The following KIF24 variants were observed in gnomAD, a reference collection of about 807,000 sequenced individuals.
KIF24 encodes kinesin-like protein KIF24.
In KIF24, 81 loss-of-function variants were observed where a neutral mutation model predicts 118.9. The observed-to-expected ratio is 0.68, with a 90% CI of 0.57 to 0.82. KIF24 has a LOEUF of 0.82. Among genes scored for constraint, KIF24 ranks in the 40% least tolerant of loss-of-function variants. The pLI, the probability that KIF24 is intolerant of heterozygous loss-of-function variation, is 0.00. For synonymous variants in KIF24, 599 were observed against 610.0 expected, an observed-to-expected ratio of 0.98 and a Z score of 0.27; for missense variants, 1,560 against 1,661.6, an observed-to-expected ratio of 0.94 and a Z score of 1.06.
chr9:34,286,603 G>A lies in KIF24; in HGVS notation c.1215+14C>T. The A allele has an allele frequency of 6.4e-7, 1 of 1,568,432 alleles. No individual in the cohort carries two copies. Among genetic ancestry groups the A allele is most frequent in the Non-Finnish European group, 8.8e-7 (1 of 1,138,286 alleles). ...CTGTTGTGGTGGGGTAATAAAGAAG[G>A]AAGAATTAATTACCTCTAAGAGGAG... On this transcript the variant is annotated intron_variant, in intron 6 of 12. Transcript: ENST00000402558.
At chr9:34,324,109 C>A (rs184380250) in intron 1 of KIF24, among the ~76,000 whole-genome samples, 101 of 152,280 alleles carry the variant, frequency 6.6e-4, no homozygotes, top group Non-Finnish European at 1.1e-3. Context: ...TTAGTCTGGA[C>A]GTTGTGCAAT....
At chr9:34,268,924 CT>C (rs1331653222) in intron 8 of KIF24, among the ~76,000 whole-genome samples, 1 of 152,168 alleles carries the variant, frequency 6.6e-6, no homozygotes, top group Non-Finnish European at 1.5e-5. Context: ...ATTTGTTCTA[CT>C]TTTCTATGTT....
At chr9:34,260,375 A>C (rs997291729) in intron 9 of KIF24, among the ~76,000 whole-genome samples, 6 of 151,626 alleles carry the variant, frequency 4.0e-5, no homozygotes, top group Admixed American at 6.6e-5. Flanking sequence ...TTATACACTG[A>C]ATATAATAAA....
chr9:34,275,871 C>T (rs984600850), intron 6 of KIF24, among the ~76,000 whole-genome samples: 2 of 152,138 alleles, frequency 1.3e-5, no homozygotes, highest in Non-Finnish European at 2.9e-5. Context: ...ATCCTCACCA[C>T]AGCCTAATGT....
intron 1 of KIF24, among the ~76,000 whole-genome samples, chr9:34,313,110 T>C (rs1271784015): frequency 1.3e-5 from 2 of 152,238 alleles, no homozygotes; most frequent in Non-Finnish European, 1.5e-5. Flanking sequence ...TAGGCTAGCC[T>C]TGTGACTTGT....
At chr9:34,282,730 A>G (rs1040344552) in intron 6 of KIF24, 2 of 152,182 alleles carry the variant, frequency 1.3e-5, no homozygotes, top group African/African-American at 4.8e-5. Flanking sequence ...ATCTTAGCCA[A>G]AAGACTGAGA....
rs752044001 is a variant in KIF24, at chr9:34,286,637, T to C, written c.1195A>G (p.Ser399Gly). The change falls in exon 6 of 13, where the codon AGT becomes GGT. Residue 399 changes from serine (S) to glycine (G), a missense_variant. Physicochemically the swap from Ser to Gly is moderately conservative, Grantham distance 56 (BLOSUM62 0). This residue lies in a region of KIF24 where 964 missense variants were observed against 988.0 expected (regional missense o/e 0.98). Transcript: ENST00000402558. ...IVGLQELQVD[S>G]VELLLEVILK... The stretch of plus-strand genomic sequence containing the variant: ...ATTACCTCTAAGAGGAGCTCCACAC[T>C]GTCCACCTGAAGCTCTTGCAGTCCC... 2 of 1,611,882 alleles carry C rather than the reference T, an allele frequency of 1.2e-6. No homozygotes were observed. Among genetic ancestry groups the C allele is most frequent in the Admixed American group, 1.7e-5 (1 of 60,024 alleles).
chr9:34,290,156 C>A lies in KIF24; in HGVS notation c.1127+18G>T. The A allele has an allele frequency of 6.5e-7, 1 of 1,548,918 alleles. No individual in the cohort carries two copies. Among genetic ancestry groups the A allele is most frequent in the Non-Finnish European group, 8.9e-7 (1 of 1,122,654 alleles). ...ATAGCGATGAACAGATTTATCGCTT[C>A]CCACTCATATTCAGTACCTTTTTCT... is the stretch of plus-strand genomic sequence containing the variant. On this transcript the variant is annotated intron_variant, in intron 5 of 12. Coordinates refer to ENST00000402558, the MANE Select transcript of KIF24 (RefSeq NM_194313.4).
intron 10 of KIF24, among the ~76,000 whole-genome samples, chr9:34,259,157 A>G (rs1020807276): frequency 6.6e-6 from 1 of 152,138 alleles, no homozygotes; most frequent in Non-Finnish European, 1.5e-5. Flanking sequence ...ATCCTCTAAC[A>G]TGTTTGGGTT....
Position 34,292,259 on chromosome 9 carries a change from A to G in KIF24, c.912-1870T>C, listed in dbSNP as rs1587945019. 2.6e-5 allele frequency among the ~76,000 whole-genome samples: 4 copies of G among 152,300 alleles called. No individual in the cohort carries two copies. The South Asian group carries it at 8.3e-4, about 32-fold the overall frequency. ...GTATTCAGTGAAAGACTGATCAAAG[A>G]CTCGAAAGGATGCAACTGTTTTGTC... On this transcript the variant is annotated intron_variant, in intron 4 of 12. Coordinates refer to ENST00000402558, the MANE Select transcript of KIF24 (RefSeq NM_194313.4).
chr9:34,262,661 AAAAAAAAAAAAAAAATATATATATATAT>A (rs1458497004), intron 9 of KIF24, among the ~76,000 whole-genome samples: 7 of 44,864 alleles, frequency 1.6e-4, no homozygotes, highest in East Asian at 1.1e-3. Flanking sequence ...AAAAAAAAAA[AAAAAAAAAAAAAAAATATATATATATAT>A]ATATATATAT....
At chr9:34,314,933 A>G (rs545006089) in intron 1 of KIF24, among the ~76,000 whole-genome samples, 50 of 152,364 alleles carry the variant, frequency 3.3e-4, no homozygotes, top group African/African-American at 1.2e-3. Flanking sequence ...TAAAAGAGAG[A>G]GATAAATGAT....
chr9:34,272,435 G>A (rs893682525), intron 6 of KIF24, among the ~76,000 whole-genome samples: 1 of 152,182 alleles, frequency 6.6e-6, no homozygotes, highest in South Asian at 2.1e-4. Context: ...GATTTCCCTT[G>A]AGACTAATCC....
intron 12 of KIF24, 35 bp downstream of exon 12, chr9:34,255,037 C>G (rs913918803): frequency 8.6e-6 from 12 of 1,402,176 alleles, no homozygotes; most frequent in Non-Finnish European, 1.2e-5. Flanking sequence ...GGCTAATTCC[C>G]AACAGCCTGT....
In KIF24 at chr9:34,255,140, C is replaced by G; in HGVS notation, c.3898G>C (p.Glu1300Gln). Residue 1300 changes from glutamate (E) to glutamine (Q), a missense_variant, in exon 12 of 13, where the codon GAA becomes CAA. Glu to Gln is a conservative substitution (Grantham distance 29). Coordinates refer to ENST00000402558, the MANE Select transcript of KIF24 (RefSeq NM_194313.4). ...AGCTCAGCCATTTCATCCAGCTGTT[C>G]CTGGTGTGCTCGGATGACCACCTGC... The part of the protein sequence containing the change: ...AQQVVIRAHQ[E>Q]QLDEMAELGF... 2 of 1,590,344 alleles carry G rather than the reference C, an allele frequency of 1.3e-6. No homozygotes were observed. Among genetic ancestry groups the G allele is most frequent in the Non-Finnish European group, 1.7e-6 (2 of 1,167,934 alleles).
chr9:34,296,892 T>C (rs1474563480), intron 4 of KIF24, 125 bp downstream of exon 4: 3 of 540,758 alleles, frequency 5.5e-6, no homozygotes, highest in Non-Finnish European at 9.9e-6. Context: ...CTAAATTTAT[T>C]AGCTCAAAAC....
At chr9:34,283,198 C>G (rs1469925188) in intron 6 of KIF24, among the ~76,000 whole-genome samples, 1 of 151,786 alleles carries the variant, frequency 6.6e-6, no homozygotes, top group East Asian at 1.9e-4. Flanking sequence ...GAAACCCCAT[C>G]TCTACTAAAA....
chr9:34,294,850 G>A (rs1836400926), intron 4 of KIF24, among the ~76,000 whole-genome samples: 1 of 152,146 alleles, frequency 6.6e-6, no homozygotes, highest in South Asian at 2.1e-4. Flanking sequence ...CTGGGGGTGA[G>A]GGTGGAGGAT....
chr9:34,255,679 G>T, intron 11 of KIF24, 56 bp downstream of exon 11: 1 of 1,434,262 alleles, frequency 7.0e-7, no homozygotes, highest in Non-Finnish European at 9.5e-7. Context: ...ACAGTAAGCT[G>T]GAGTGGAGGG....
Sources: allele counts gnomAD v4.1 joint callset (sites outside exome capture counted in the v4.1 genomes callset), GRCh38; gene constraint gnomAD v4.1.1; regional missense constraint gnomAD v4.1.1; transcripts MANE v1.5; gene names NCBI Gene and HGNC (gene_info 2026-07-23, HGNC 2026-07-21).